Variants in MYO16 observed in about 807,000 individuals in gnomAD.
The protein encoded by MYO16 is unconventional myosin-XVI.
In MYO16, 94 loss-of-function variants were observed where a neutral mutation model predicts 205.3. The ratio of observed to expected loss-of-function variants is 0.46; its 90% CI spans 0.39 to 0.54. The LOEUF is 0.54. MYO16 is among the 20% of genes least tolerant of loss of function. The probability of loss-of-function intolerance (pLI) is 0.00; values close to 1 mark genes in which losing one functional copy is unlikely to be tolerated. For synonymous variants in MYO16, 988 were observed against 954.0 expected (o/e 1.04, Z -0.66); for missense variants, 2,315 against 2,387.5 (o/e 0.97, Z 0.63).
At chr13:108,521,791 A>AG in the MYO16 span, among the ~76,000 whole-genome samples, 3 of 152,210 alleles carry the variant, frequency 2.0e-5, no homozygotes, top group Non-Finnish European at 4.4e-5. Context: ...ATGTGGAAAA[A>AG]AAATAACAGA....
intron 34 of MYO16, among the ~76,000 whole-genome samples, chr13:109,184,257 C>G (rs1210259942): frequency 6.6e-6 from 1 of 152,104 alleles, no homozygotes; most frequent in Non-Finnish European, 1.5e-5. Context: ...AGCTCTTTCA[C>G]ACAGCCAAGG....
In MYO16 at chr13:108,665,940, G is replaced by A. The variant is rs201785574; in HGVS notation, c.83G>A (p.Cys28Tyr). 93 of 1,614,102 alleles carry A rather than the reference G, an allele frequency of 5.8e-5. No homozygotes were observed. Among genetic ancestry groups the A allele is most frequent in the Non-Finnish European group, 7.2e-5 (85 of 1,179,974 alleles). Residue 28 changes from cysteine (C) to tyrosine (Y), a missense_variant, in exon 2 of 35, where the codon TGC becomes TAC. By Grantham distance (194) the Cys-to-Tyr change is radical. Around this residue, in one of 3 missense-constraint regions of MYO16, gnomAD observed 1,213 missense variants for 1,274.4 expected, o/e 0.95. Coordinates refer to ENST00000457511, the MANE Select transcript of MYO16 (RefSeq NM_001198950.3). The stretch of plus-strand genomic sequence containing the variant: ...TCCCATGAGATGGAAATCGACCAGT[G>A]CTTGCTAGAGTCCCTTCCCCTTGGC... The part of the protein sequence containing the change: ...FRSHEMEIDQ[C>Y]LLESLPLGQR...
intron 32 of MYO16, among the ~76,000 whole-genome samples, chr13:109,155,746 A>G (rs1184855334): frequency 6.6e-6 from 1 of 152,182 alleles, no homozygotes; most frequent in African/African-American, 2.4e-5. Context: ...TGCTGTTCAA[A>G]ACATGCATAA....
chr13:108,970,875 G>C (rs1883983371), intron 20 of MYO16, among the ~76,000 whole-genome samples: 1 of 152,120 alleles, frequency 6.6e-6, no homozygotes, highest in South Asian at 2.1e-4. Flanking sequence ...AGAATTCTTG[G>C]GGTTGAAGGT....
intron 1 of MYO16, among the ~76,000 whole-genome samples, chr13:108,645,958 A>G (rs534421669): frequency 6.6e-6 from 1 of 152,264 alleles, no homozygotes; most frequent in South Asian, 2.1e-4. Flanking sequence ...GGGACTCAAG[A>G]GCCAGGTGGG....
chr13:108,872,660 A>T (rs1226220823), intron 12 of MYO16, among the ~76,000 whole-genome samples: 1 of 151,340 alleles, frequency 6.6e-6, no homozygotes, highest in African/African-American at 2.4e-5. Flanking sequence ...TTCAATATAT[A>T]TGAATTAAGT....
At chr13:108,736,230 C>T (rs1327543270) in intron 4 of MYO16, among the ~76,000 whole-genome samples, 1 of 152,112 alleles carries the variant, frequency 6.6e-6, no homozygotes, top group African/African-American at 2.4e-5. Context: ...ATGCCTATGT[C>T]CTGAATGGTA....
intron 4 of MYO16, among the ~76,000 whole-genome samples, chr13:108,753,238 C>A (rs980131433): frequency 6.6e-6 from 1 of 151,634 alleles, no homozygotes. Context: ...GGTGTGTTGG[C>A]GGGCGCCTGT....
At chr13:108,996,945 G>A (rs1885020696) in intron 21 of MYO16, among the ~76,000 whole-genome samples, 1 of 152,164 alleles carries the variant, frequency 6.6e-6, no homozygotes. Flanking sequence ...ACATGCAAAG[G>A]CATGTAGTGA....
intron 27 of MYO16, among the ~76,000 whole-genome samples, chr13:109,077,774 A>G (rs1327428806): frequency 6.6e-6 from 1 of 152,072 alleles, no homozygotes; most frequent in Non-Finnish European, 1.5e-5. Flanking sequence ...TAGTTCCTTC[A>G]TGCTTCTTGT....
chr13:108,654,678 G>A (rs780974447), intron 1 of MYO16, among the ~76,000 whole-genome samples: 1 of 152,210 alleles, frequency 6.6e-6, no homozygotes, highest in Non-Finnish European at 1.5e-5. Flanking sequence ...ATGTAGGAAA[G>A]TTTGGAACTT....
At chr13:109,059,851 TG>T (rs1417480405) in intron 27 of MYO16, among the ~76,000 whole-genome samples, 1 of 152,180 alleles carries the variant, frequency 6.6e-6, no homozygotes, top group Non-Finnish European at 1.5e-5. Context: ...GTGTCCTGAG[TG>T]GTATTGCCTA....
rs1876768856 is a variant in MYO16 at position 109,136,206 on chromosome 13, G to T, written c.4052-4058G>T. Among the ~76,000 whole-genome samples, 3 of 151,916 alleles carry T rather than the reference G, an allele frequency of 2.0e-5. No individual in the cohort carries two copies. In the South Asian group the frequency reaches 6.2e-4, roughly 32 times the overall value. On this transcript the variant is annotated intron_variant, in intron 31 of 34. Transcript: ENST00000457511. The stretch of plus-strand genomic sequence containing the variant: ...CCTCCCAGGATCAAGTGATTCTCCT[G>T]CCTCAGCCTCCCAAGTAGCTGAGAC...
intron 10 of MYO16, among the ~76,000 whole-genome samples, chr13:108,848,014 G>C (rs1366513614): frequency 6.6e-6 from 1 of 152,130 alleles, no homozygotes; most frequent in African/African-American, 2.4e-5. Context: ...GGAAAGAGGC[G>C]TGCAGCTTTG....
chr13:108,523,508 A>T, the MYO16 span, among the ~76,000 whole-genome samples: 2 of 152,136 alleles, frequency 1.3e-5, no homozygotes, highest in Non-Finnish European at 2.9e-5. Flanking sequence ...TTTGTTCATT[A>T]TTCTGCAGAC....
chr13:108,683,515 G>A (rs2086087550), intron 2 of MYO16, among the ~76,000 whole-genome samples: 1 of 152,190 alleles, frequency 6.6e-6, no homozygotes, highest in Non-Finnish European at 1.5e-5. Context: ...TCTGATAAAT[G>A]AGCTGCTTTA....
the MYO16 span, among the ~76,000 whole-genome samples, chr13:108,506,954 A>T: frequency 6.6e-6 from 1 of 152,002 alleles, no homozygotes; most frequent in Non-Finnish European, 1.5e-5. Context: ...GTAATTTTTT[A>T]TATGTCATTC....
chr13:108,771,643 C>T (rs548451171), intron 4 of MYO16, among the ~76,000 whole-genome samples: 1 of 151,502 alleles, frequency 6.6e-6, no homozygotes, highest in South Asian at 2.1e-4. Flanking sequence ...GTGCTCTGTC[C>T]GTTGATCACC....
In MYO16 at chr13:108,967,598, C is replaced by T. The variant is rs189190046; in HGVS notation, c.2369+2696C>T. On this transcript the variant is annotated intron_variant, in intron 20 of 34. Transcript: ENST00000457511. The stretch of plus-strand genomic sequence containing the variant: ...GGGCTGGGGACCACTGAGGGCCACA[C>T]GTAGTGGCACTTTAAATATTGAAAC... Among the ~76,000 whole-genome samples, 27 of 152,114 alleles carry T rather than the reference C, an allele frequency of 1.8e-4. No individual in the cohort carries two copies. In the East Asian group the frequency reaches 3.7e-3, roughly 21 times the overall value.
Sources: gnomAD v4.1 joint callset for allele counts (sites outside exome capture counted in the v4.1 genomes callset) on GRCh38, gnomAD v4.1.1 for gene constraint, gnomAD v4.1.1 regional missense constraint, MANE v1.5 for transcripts, NCBI Gene and HGNC (gene_info 2026-07-23, HGNC 2026-07-21) for gene names.